The following C8orf48 variants were observed in gnomAD, a reference collection of about 807,000 sequenced individuals.
C8orf48 encodes chromosome 8 open reading frame 48, also known as uncharacterized protein C8orf48.
For synonymous variants in C8orf48, 188 were observed against 138.2 expected, an observed-to-expected ratio of 1.36 and a Z score of -2.53; for missense variants, 580 against 363.3, an observed-to-expected ratio of 1.60 and a Z score of -4.85.
Position 13,567,922 on chromosome 8 carries a change from G to C in C8orf48, c.931G>C (p.Glu311Gln). Residue 311 changes from glutamate to glutamine, a missense_variant, in exon 1 of 1, where the codon GAG (glutamate) becomes CAG (glutamine). Glu to Gln is a conservative substitution (Grantham distance 29). Coordinates refer to ENST00000297324, the MANE Select transcript of C8orf48 (RefSeq NM_001007090.3). ...FLKRLTLIKP[E>Q]LVIVNDNV is the part of the protein sequence containing the mutation. ...CAAGCGACTTACTCTAATCAAACCA[G>C]AGCTGGTGATTGTTAATGATAATGT... 1 of 1,550,492 alleles carries C rather than the reference G, an allele frequency of 6.4e-7. No individual in the cohort carries two copies. The highest frequency in any genetic ancestry group is 1.4e-5 in the African/African-American group (1 of 73,092).
chr8:13,567,229 G>C lies in C8orf48; in HGVS notation c.238G>C (p.Glu80Gln). Residue 80 changes from glutamate (E) to glutamine (Q), a missense_variant, in exon 1 of 1, where the codon GAA (glutamate) becomes CAA (glutamine). Physicochemically the swap from Glu to Gln is conservative, Grantham distance 29. Transcript: ENST00000297324. ...TGAGCTTTTGGACTATAAAAATTATGAAAAGAAGTTGAGTAAAAAATGGAT... is the reference window on the plus strand; with the variant it reads ...TGAGCTTTTGGACTATAAAAATTATCAAAAGAAGTTGAGTAAAAAATGGAT... ...QSELLDYKNY[E>Q]KKLSKKWINY... is the part of the protein sequence containing the mutation. 1.3e-6 allele frequency: 2 copies of C among 1,551,530 alleles called. No individual in the cohort carries two copies. Among genetic ancestry groups the C allele is most frequent in the Non-Finnish European group, 1.7e-6 (2 of 1,146,992 alleles).
rs1209192597 is a variant in C8orf48, at chr8:13,567,639, A to G, written c.648A>G (p.Lys216=). The change falls in exon 1 of 1, where the codon AAA becomes AAG. Residue 216 remains lysine, a synonymous_variant. Coordinates refer to ENST00000297324, the MANE Select transcript of C8orf48 (RefSeq NM_001007090.3). ...AGCTGGCCCTGTCTGCCTTTCTGAA[A>G]CAAAAGAAGACTTTACTGGAGTCAT... ...RAELALSAFL[K]QKKTLLESFL... is the part of the protein sequence containing the mutation. 2 of 1,551,672 alleles carry G rather than the reference A, an allele frequency of 1.3e-6. No homozygotes were observed. The highest frequency in any genetic ancestry group is 3.9e-5 in the Admixed American group (2 of 50,960).
Sources: allele counts gnomAD v4.1 joint callset, GRCh38; gene constraint gnomAD v4.1.1; transcripts MANE v1.5; gene names NCBI Gene and HGNC (gene_info 2026-07-23, HGNC 2026-07-21).